The following HDAC4 variants were observed in gnomAD, a reference collection of about 807,000 sequenced individuals.
HDAC4 encodes the protein histone deacetylase A.
Under a neutral mutation model 135.1 loss-of-function variants are expected in HDAC4, and 16 were observed. That is an observed-to-expected ratio of 0.12 (90% CI 0.08 to 0.18). The LOEUF (loss-of-function observed/expected upper bound fraction) is 0.18. Ranked by LOEUF, HDAC4 falls within the 10% of genes least tolerant of loss-of-function variation. The probability of loss-of-function intolerance (pLI) is 1.00; values close to 1 mark genes in which losing one functional copy is unlikely to be tolerated. For synonymous variants in HDAC4, 685 were observed against 653.4 expected, an observed-to-expected ratio of 1.05 and a Z score of -0.74; for missense variants, 1,143 against 1,511.8, an observed-to-expected ratio of 0.76 and a Z score of 4.05.
At chr2:239,327,778 A>G (rs1289679913) in intron 2 of HDAC4, among the ~76,000 whole-genome samples, 1 of 152,154 alleles carries the variant, frequency 6.6e-6, no homozygotes, top group East Asian at 1.9e-4. Flanking sequence ...AACCCAGAGC[A>G]AGCCTAGAGA....
intron 3 of HDAC4, among the ~76,000 whole-genome samples, chr2:239,207,011 C>G (rs1329509301): frequency 1.3e-5 from 2 of 152,066 alleles, no homozygotes; most frequent in Non-Finnish European, 2.9e-5. Flanking sequence ...GGAGGGAGGC[C>G]TAAACGCAAG....
chr2:239,068,765 C>A lies in HDAC4; in HGVS notation c.2751-158G>T. The A allele has an allele frequency of 1.4e-6, 1 of 717,608 alleles. No individual in the cohort carries two copies. The highest frequency in any genetic ancestry group is 2.5e-6 in the Non-Finnish European group (1 of 393,300). The allele number at this position is 717,608 out of a possible 1,614,324, so 44.5% of individuals were successfully genotyped here. On this transcript the variant is annotated intron_variant, in intron 22 of 26. Coordinates refer to ENST00000543185, the MANE Select transcript of HDAC4 (RefSeq NM_001378414.1). This position sits in a 1 kb window ranked among gnomAD's most constrained non-coding sequence, Gnocchi z 4.4. ...CACACAGCAGGCTGGAATCTGGCGA[C>A]CACGCTTAATTAGAAGGGAATCAAC...
At chr2:239,329,245 C>A (rs1456480423) in intron 2 of HDAC4, among the ~76,000 whole-genome samples, 2 of 152,180 alleles carry the variant, frequency 1.3e-5, no homozygotes, top group African/African-American at 4.8e-5. Flanking sequence ...GCTGTGCAGA[C>A]CCCAAAGGCG....
chr2:239,392,335 G>A (rs113345471), intron 1 of HDAC4, among the ~76,000 whole-genome samples: 17 of 152,362 alleles, frequency 1.1e-4, no homozygotes, highest in African/African-American at 2.6e-4. Context: ...GCCAAGGGGC[G>A]GATTCCAACA....
chr2:239,066,652 C>A, intron 24 of HDAC4, 70 bp downstream of exon 24: 1 of 1,608,656 alleles, frequency 6.2e-7, no homozygotes. Flanking sequence ...CTGGGGCTCT[C>A]GGGCAGCCAG....
chr2:239,053,421 T>C (rs1268941115), intron 26 of HDAC4, 39 bp downstream of exon 26: 2 of 1,605,812 alleles, frequency 1.2e-6, no homozygotes, highest in Admixed American at 3.3e-5. Context: ...ACAGTGGGGC[T>C]GGGTGAGCCT....
intron 2 of HDAC4, among the ~76,000 whole-genome samples, chr2:239,256,899 T>C (rs1302217040): frequency 2.0e-5 from 3 of 152,202 alleles, no homozygotes; most frequent in African/African-American, 7.2e-5. Context: ...AATGCAGGTA[T>C]ACTGCTAATC....
At chr2:239,198,960 G>C (rs2045579431) in intron 3 of HDAC4, among the ~76,000 whole-genome samples, 1 of 152,132 alleles carries the variant, frequency 6.6e-6, no homozygotes, top group Admixed American at 6.5e-5. Flanking sequence ...CAAATAAATG[G>C]ACAAGTCTGT....
chr2:239,115,625 C>T lies in HDAC4; in HGVS notation c.1534-315G>A, dbSNP rs2039058332. Among the ~76,000 whole-genome samples, 1 of 152,122 alleles carries T rather than the reference C, an allele frequency of 6.6e-6. No homozygotes were observed. Among genetic ancestry groups the T allele is most frequent in the South Asian group, 2.1e-4 (1 of 4,818 alleles). On this transcript the variant is annotated intron_variant, in intron 12 of 26. Transcript: ENST00000543185. The surrounding 1 kb of genome is among the most constrained non-coding windows in gnomAD (Gnocchi z 6.3). ...CAGGCACCGAGAAACAGAAAAGAAG[C>T]TGCAGGTGTCAACAGAGTCTGCAGA...
At chr2:239,370,625 G>C (rs1237006459) in intron 1 of HDAC4, among the ~76,000 whole-genome samples, 2 of 152,220 alleles carry the variant, frequency 1.3e-5, no homozygotes, top group African/African-American at 4.8e-5. Context: ...AGATAGTGCA[G>C]AGCTGATCCT....
chr2:239,196,711 G>A (rs556310723), intron 3 of HDAC4, among the ~76,000 whole-genome samples: 1 of 152,178 alleles, frequency 6.6e-6, no homozygotes, highest in Non-Finnish European at 1.5e-5. Flanking sequence ...TGTGGTCTGG[G>A]GGGTGAGCTG....
intron 2 of HDAC4, chr2:239,298,158 C>G (rs1478313362): frequency 1.0e-5 from 13 of 1,251,616 alleles, no homozygotes; most frequent in Middle Eastern, 2.2e-4. Context: ...CCAAATAATT[C>G]TCCTCACCAA....
rs554731148 is a variant in HDAC4, at chr2:239,078,325, C to T, written c.2750+2770G>A. Among the ~76,000 whole-genome samples, 15 of 152,300 alleles carry T rather than the reference C, an allele frequency of 9.8e-5. No individual in the cohort carries two copies. The South Asian group carries it at 3.1e-3, about 32-fold the overall frequency. On this transcript the variant is annotated intron_variant, in intron 22 of 26. Transcript: ENST00000543185. ...TTTCTTATCTTTTCTTCGTCTTAGG[C>T]TTGATCCCCTGAAAATGCAATGTGG...
intron 1 of HDAC4, among the ~76,000 whole-genome samples, chr2:239,392,749 A>G (rs951824697): frequency 3.3e-5 from 5 of 152,216 alleles, no homozygotes; most frequent in Admixed American, 6.5e-5. Context: ...CCCAGGCCAC[A>G]GGGAGGACTG....
chr2:239,243,023 A>G (rs918282434), intron 2 of HDAC4, among the ~76,000 whole-genome samples: 4 of 152,160 alleles, frequency 2.6e-5, no homozygotes, highest in African/African-American at 7.2e-5. Context: ...AGAGCTCCAC[A>G]CAAGCTACAC....
intron 1 of HDAC4, among the ~76,000 whole-genome samples, chr2:239,398,370 T>C (rs1696708875): frequency 6.6e-6 from 1 of 152,206 alleles, no homozygotes; most frequent in Admixed American, 6.5e-5. Flanking sequence ...GGATTGGAAT[T>C]CAAAGCCATT....
At chr2:239,386,945 A>C (rs1022728004) in intron 1 of HDAC4, among the ~76,000 whole-genome samples, 1 of 152,350 alleles carries the variant, frequency 6.6e-6, no homozygotes, top group East Asian at 1.9e-4. Flanking sequence ...ATCAGAGGTG[A>C]GTGGCTGTTC....
intron 22 of HDAC4, among the ~76,000 whole-genome samples, chr2:239,075,948 C>T (rs970191190): frequency 3.3e-5 from 5 of 150,690 alleles, no homozygotes; most frequent in African/African-American, 9.8e-5. Flanking sequence ...GGACAGCAGG[C>T]GGGTGCCAGC....
chr2:239,229,296 A>G (rs80083953), intron 3 of HDAC4, among the ~76,000 whole-genome samples: 402 of 152,310 alleles, frequency 2.6e-3, no homozygotes, highest in African/African-American at 9.1e-3. Flanking sequence ...GCTATATTGC[A>G]GTCAGCTTCT....
Sources: allele counts gnomAD v4.1 joint callset (sites outside exome capture counted in the v4.1 genomes callset), GRCh38; gene constraint gnomAD v4.1.1; non-coding constraint Gnocchi (gnomAD v3.1); transcripts MANE v1.5; gene names NCBI Gene and HGNC (gene_info 2026-07-23, HGNC 2026-07-21).